PCDHGB7: variants seen among roughly 807,000 people sequenced by gnomAD.
PCDHGB7 encodes the protein protocadherin gamma-B7.
PCDHGB7 carries 37 observed loss-of-function variants against 61.4 expected under a neutral mutation model. The ratio of observed to expected loss-of-function variants is 0.60; its 90% CI spans 0.46 to 0.79. The LOEUF is 0.79. PCDHGB7 is among the 30% of genes least tolerant of loss of function. The pLI, the probability that PCDHGB7 is intolerant of heterozygous loss-of-function variation, is 0.00. For missense variants in PCDHGB7, 1,166 were observed against 1,202.5 expected (o/e 0.97, Z 0.45); for synonymous variants, 464 against 503.5 (o/e 0.92, Z 1.05).
chr5:141,485,358 G>T lies in PCDHGB7; in HGVS notation c.2416-9449G>T. 1.2e-6 allele frequency: 2 copies of T among 1,614,100 alleles called. No individual in the cohort carries two copies. Among genetic ancestry groups the T allele is most frequent in the Non-Finnish European group, 1.7e-6 (2 of 1,180,006 alleles). On this transcript the variant is annotated intron_variant, in intron 1 of 3. Coordinates refer to ENST00000398594, the MANE Select transcript of PCDHGB7 (RefSeq NM_018927.4). This position sits in a 1 kb window ranked among gnomAD's most constrained non-coding sequence, Gnocchi z 5.7. ...CTGGATACGGACAGTCTGTCAGCTC[G>T]CAGGCTGCAGGTCGCTGGAGAGGTG...
chr5:141,494,394 T>C (rs1437164389), intron 1 of PCDHGB7, among the ~76,000 whole-genome samples: 1 of 152,154 alleles, frequency 6.6e-6, no homozygotes, highest in African/African-American at 2.4e-5. Flanking sequence ...GTTGAATAAA[T>C]TCATTCTAGG....
In PCDHGB7 at chr5:141,485,985, T is replaced by C. The variant is rs748867624; in HGVS notation, c.2416-8822T>C. 5.6e-6 allele frequency: 9 copies of C among 1,614,086 alleles called. No homozygotes were observed. Among genetic ancestry groups the C allele is most frequent in the South Asian group, 5.5e-5 (5 of 91,094 alleles). On this transcript the variant is annotated intron_variant, in intron 1 of 3. Coordinates refer to ENST00000398594, the MANE Select transcript of PCDHGB7 (RefSeq NM_018927.4). The surrounding 1 kb of genome is among the most constrained non-coding windows in gnomAD (Gnocchi z 5.7). ...CAGCTCAATGCCTCAGACCCGGACC[T>C]GGGTCCCAGTGGTAACGTCACCTTT...
intron 1 of PCDHGB7, among the ~76,000 whole-genome samples, chr5:141,488,394 A>C (rs2099674951): frequency 1.3e-5 from 2 of 152,232 alleles, no homozygotes. Flanking sequence ...TGGTGAAACC[A>C]TGAAACCTAG....
chr5:141,510,291 A>AG (rs903726285), intron 3 of PCDHGB7, among the ~76,000 whole-genome samples: 1 of 150,450 alleles, frequency 6.6e-6, no homozygotes, highest in African/African-American at 2.4e-5. Context: ...AAAAAAAAAA[A>AG]TGCTGTTTTG....
At chr5:141,470,037 G>C (rs76537989) in intron 1 of PCDHGB7, among the ~76,000 whole-genome samples, 14 of 152,138 alleles carry the variant, frequency 9.2e-5, no homozygotes, top group Non-Finnish European at 1.5e-4. Flanking sequence ...GCTGAGGCGC[G>C]AGAACTGTTT....
Position 141,490,721 on chromosome 5 carries a change from T to C in PCDHGB7, c.2416-4086T>C, listed in dbSNP as rs779242781. On this transcript the variant is annotated intron_variant, in intron 1 of 3. Coordinates refer to ENST00000398594, the MANE Select transcript of PCDHGB7 (RefSeq NM_018927.4). This position sits in a 1 kb window ranked among gnomAD's most constrained non-coding sequence, Gnocchi z 5.4. The stretch of plus-strand genomic sequence containing the variant: ...AATGCCCGCCTCACCTACTCCATTG[T>C]AGGAAATCAGGTTCAGGGAGCCCCA... 23 of 1,614,056 alleles carry C rather than the reference T, an allele frequency of 1.4e-5. No individual in the cohort carries two copies. The highest frequency in any genetic ancestry group is 6.6e-5 in the South Asian group (6 of 91,080).
At chr5:141,430,815 T>A in intron 1 of PCDHGB7, 1 of 1,535,252 alleles carries the variant, frequency 6.5e-7, no homozygotes, top group Non-Finnish European at 8.7e-7. Flanking sequence ...CTGGGAATCC[T>A]CCTGGGGACT....
At chr5:141,483,972 A>G in intron 1 of PCDHGB7, among the ~76,000 whole-genome samples, 1 of 83,960 alleles carries the variant, frequency 1.2e-5, no homozygotes, top group Admixed American at 1.8e-4. Context: ...TGCTTGTGCA[A>G]GGGAGTAGCT....
chr5:141,422,172 C>A, intron 1 of PCDHGB7: 2 of 1,564,780 alleles, frequency 1.3e-6, no homozygotes, highest in Non-Finnish European at 1.7e-6. Context: ...AATATAGATT[C>A]TATGAGATGG....
At chr5:141,423,148 C>G (rs2096714622) in intron 1 of PCDHGB7, 1 of 1,613,404 alleles carries the variant, frequency 6.2e-7, no homozygotes, top group African/African-American at 1.3e-5. Flanking sequence ...CGCGCTCAAG[C>G]AGAGCCTCGT....
rs765318875 is a variant in PCDHGB7 at position 141,489,896 on chromosome 5, C to A, written c.2416-4911C>A. On this transcript the variant is annotated intron_variant, in intron 1 of 3. Coordinates refer to ENST00000398594, the MANE Select transcript of PCDHGB7 (RefSeq NM_018927.4). This position sits in a 1 kb window ranked among gnomAD's most constrained non-coding sequence, Gnocchi z 4.5. ...GTGCTTACTGCTGTGGATGGGGGGA[C>A]CCCAGCCCGCTCAGGGACCACCCTT... 5 of 1,614,062 alleles carry A rather than the reference C, an allele frequency of 3.1e-6. No homozygotes were observed.
intron 1 of PCDHGB7, among the ~76,000 whole-genome samples, chr5:141,481,293 TC>T (rs2099535148): frequency 6.6e-6 from 1 of 152,174 alleles, no homozygotes; most frequent in South Asian, 2.1e-4. Context: ...ATTTCAGTCA[TC>T]TAAGGGAAAA....
chr5:141,434,724 C>T (rs2097712360), intron 1 of PCDHGB7, among the ~76,000 whole-genome samples: 2 of 151,800 alleles, frequency 1.3e-5, no homozygotes, highest in Admixed American at 1.3e-4. Flanking sequence ...GTTCAGGGCT[C>T]TCAGCTCTGA....
intron 1 of PCDHGB7, chr5:141,421,871 CT>C: frequency 6.2e-7 from 1 of 1,613,756 alleles, no homozygotes; most frequent in Non-Finnish European, 8.5e-7. Flanking sequence ...CTCCTCACAG[CT>C]TTAGATGGAG....
chr5:141,490,869 A>G lies in PCDHGB7; in HGVS notation c.2416-3938A>G, dbSNP rs764138126. ...GGGTTCGAGACTCCGGCTCTCCCCCATTGCATGCCAACACATCTCTGCATG... is the reference window on the plus strand; with the variant it reads ...GGGTTCGAGACTCCGGCTCTCCCCCGTTGCATGCCAACACATCTCTGCATG... On this transcript the variant is annotated intron_variant, in intron 1 of 3. Transcript: ENST00000398594. This position sits in a 1 kb window ranked among gnomAD's most constrained non-coding sequence, Gnocchi z 5.4. 4.3e-6 allele frequency: 7 copies of G among 1,613,784 alleles called. No homozygotes were observed. The highest frequency in any genetic ancestry group is 1.7e-5 in the Admixed American group (1 of 60,004).
At position 141,487,444 on chromosome 5, in the gene PCDHGB7, T is replaced by G; in HGVS notation, c.2416-7363T>G. 1 of 1,614,194 alleles carries G rather than the reference T, an allele frequency of 6.2e-7. No individual in the cohort carries two copies. The highest frequency in any genetic ancestry group is 8.5e-7 in the Non-Finnish European group (1 of 1,180,040). ...TCCTCCGAATCCAGCTAGGGTCAGA[T>G]GACCCTATCAAGTTTGTTGATGTGG... On this transcript the variant is annotated intron_variant, in intron 1 of 3. Transcript: ENST00000398594. This position sits in a 1 kb window ranked among gnomAD's most constrained non-coding sequence, Gnocchi z 5.0.
rs140933475 is a variant in PCDHGB7 at position 141,477,405 on chromosome 5, G to A, written c.2416-17402G>A. The A allele has an allele frequency of 3.8e-4, 608 of 1,614,076 alleles. No individual in the cohort carries two copies. The highest frequency in any genetic ancestry group is 4.6e-4 in the Non-Finnish European group (540 of 1,180,022). On this transcript the variant is annotated intron_variant, in intron 1 of 3. Transcript: ENST00000398594. This position sits in a 1 kb window ranked among gnomAD's most constrained non-coding sequence, Gnocchi z 4.9. ...GAATACAACCTCAGCATCACCGCCC[G>A]AGACGCCGGAACCCCTTCCCTCTCA...
rs1263728099 is a variant in PCDHGB7, at chr5:141,476,079, G to T, written c.2416-18728G>T. Reference sequence around the variant, plus strand: ...AGTTTCTCAGCGAAATCTCAGGGACGATCTGGACCCCGCTGAGAGGAACTG... The same window carrying T: ...AGTTTCTCAGCGAAATCTCAGGGACTATCTGGACCCCGCTGAGAGGAACTG... On this transcript the variant is annotated intron_variant, in intron 1 of 3. Coordinates refer to ENST00000398594, the MANE Select transcript of PCDHGB7 (RefSeq NM_018927.4). This position sits in a 1 kb window ranked among gnomAD's most constrained non-coding sequence, Gnocchi z 7.6. 3 of 1,537,560 alleles carry T rather than the reference G, an allele frequency of 2.0e-6. No homozygotes were observed. Among genetic ancestry groups the T allele is most frequent in the African/African-American group, 1.4e-5 (1 of 72,808 alleles).
chr5:141,444,902 G>A (rs1442325957), intron 1 of PCDHGB7, among the ~76,000 whole-genome samples: 1 of 152,160 alleles, frequency 6.6e-6, no homozygotes, highest in Non-Finnish European at 1.5e-5. Context: ...GGATGGCATT[G>A]CATCTATACC....
Sources: allele counts gnomAD v4.1 joint callset (sites outside exome capture counted in the v4.1 genomes callset), GRCh38; gene constraint gnomAD v4.1.1; non-coding constraint Gnocchi (gnomAD v3.1); transcripts MANE v1.5; gene names NCBI Gene and HGNC (gene_info 2026-07-23, HGNC 2026-07-21).